Variants in MBD5 observed in about 807,000 individuals in gnomAD.
MBD5 encodes the protein methyl-CpG binding domain protein 5, also known as methyl-CpG-binding domain protein 5.
Under a neutral mutation model 117.3 loss-of-function variants are expected in MBD5, and 13 were observed. The observed-to-expected ratio is 0.11, with a 90% CI of 0.07 to 0.18. The LOEUF (loss-of-function observed/expected upper bound fraction) is 0.18. Ranked by LOEUF, MBD5 falls within the 10% of genes least tolerant of loss-of-function variation. MBD5 has a pLI of 1.00. For missense variants in MBD5, 1,879 were observed against 2,093.8 expected (o/e 0.90, Z 2.00); for synonymous variants, 727 against 766.4 (o/e 0.95, Z 0.85).
At chr2:148,441,849 T>A (rs145321750) in intron 4 of MBD5, among the ~76,000 whole-genome samples, 38,971 of 151,582 alleles carry the variant, frequency 0.26, 6,001 homozygotes, top group African/African-American at 0.43. Context: ...CATTTCTCTG[T>A]TGGCCAGTGA....
At chr2:148,288,193 G>A (rs1446676187) in intron 3 of MBD5, among the ~76,000 whole-genome samples, 1 of 146,558 alleles carries the variant, frequency 6.8e-6, no homozygotes, top group Non-Finnish European at 1.5e-5. Context: ...GAGGTCAGGA[G>A]ATCGAGACCA....
chr2:148,502,089 T>C (rs1681889009), intron 11 of MBD5, among the ~76,000 whole-genome samples: 1 of 152,256 alleles, frequency 6.6e-6, no homozygotes. Context: ...CACAGTAGTC[T>C]GATACTACAG....
At chr2:148,064,877 T>G (rs1490361568) in intron 1 of MBD5, among the ~76,000 whole-genome samples, 1 of 152,186 alleles carries the variant, frequency 6.6e-6, no homozygotes, top group Non-Finnish European at 1.5e-5. Context: ...CGTTCTTTCT[T>G]ATATATAGCC....
chr2:148,188,246 G>A (rs952960690), intron 2 of MBD5, among the ~76,000 whole-genome samples: 3 of 152,166 alleles, frequency 2.0e-5, no homozygotes, highest in African/African-American at 7.2e-5. Context: ...TGTGTCTTAA[G>A]CTCATTATAT....
At chr2:148,073,265 A>G (rs1695408657) in intron 1 of MBD5, among the ~76,000 whole-genome samples, 1 of 152,142 alleles carries the variant, frequency 6.6e-6, no homozygotes, top group Admixed American at 6.5e-5. Context: ...TAGATTTATC[A>G]TTTGGGGTAG....
chr2:148,362,635 GCTAA>G (rs906798525), intron 4 of MBD5, among the ~76,000 whole-genome samples: 4 of 152,174 alleles, frequency 2.6e-5, no homozygotes, highest in African/African-American at 9.7e-5. Flanking sequence ...CTCGAGCTCC[GCTAA>G]CTGACAGACT....
chr2:148,426,174 A>T (rs1420809082), intron 4 of MBD5, among the ~76,000 whole-genome samples: 1 of 152,262 alleles, frequency 6.6e-6, no homozygotes, highest in African/African-American at 2.4e-5. Context: ...GTGGAAGAAC[A>T]TTCCGTGCTC....
At chr2:148,417,521 G>C (rs1705460479) in intron 4 of MBD5, among the ~76,000 whole-genome samples, 1 of 151,948 alleles carries the variant, frequency 6.6e-6, no homozygotes, top group Non-Finnish European at 1.5e-5. Context: ...TTAGTTCTTT[G>C]AGAAATCTCC....
At chr2:148,101,689 T>C (rs2105297826) in intron 1 of MBD5, among the ~76,000 whole-genome samples, 1 of 152,292 alleles carries the variant, frequency 6.6e-6, no homozygotes, top group Admixed American at 6.5e-5. Flanking sequence ...TTTTTTAACT[T>C]CATCTTATTG....
At chr2:148,418,597 C>A (rs1213172013) in intron 4 of MBD5, among the ~76,000 whole-genome samples, 2 of 152,010 alleles carry the variant, frequency 1.3e-5, no homozygotes, top group Non-Finnish European at 2.9e-5. Flanking sequence ...AGCTGAGGAT[C>A]AAATTGAGAA....
chr2:148,229,631 C>G (rs1196891805), intron 2 of MBD5, among the ~76,000 whole-genome samples: 1 of 152,160 alleles, frequency 6.6e-6, no homozygotes, highest in African/African-American at 2.4e-5. Flanking sequence ...TCGTAGCTGT[C>G]CTTCTTGGGA....
chr2:148,388,979 C>A (rs889894122), intron 4 of MBD5, among the ~76,000 whole-genome samples: 4 of 151,646 alleles, frequency 2.6e-5, no homozygotes, highest in African/African-American at 9.7e-5. Context: ...ACTCTCACCT[C>A]CCTCTCCTTA....
At chr2:148,061,873 C>A (rs1385669632) in intron 1 of MBD5, among the ~76,000 whole-genome samples, 1 of 150,808 alleles carries the variant, frequency 6.6e-6, no homozygotes, top group Non-Finnish European at 1.5e-5. Flanking sequence ...TCTTTAAAAT[C>A]TTTAATTTTT....
chr2:148,399,879 G>T (rs1222349737), intron 4 of MBD5, among the ~76,000 whole-genome samples: 1 of 152,120 alleles, frequency 6.6e-6, no homozygotes, highest in Admixed American at 6.5e-5. Context: ...GTTGAATTTT[G>T]TCGAAGGCCT....
chr2:148,185,646 A>T (rs1698635703), intron 2 of MBD5, among the ~76,000 whole-genome samples: 1 of 152,162 alleles, frequency 6.6e-6, no homozygotes, highest in Admixed American at 6.5e-5. Context: ...TCATGTCTAT[A>T]ATCCCAACAC....
rs185005740 is a variant in MBD5, at chr2:148,317,317, C to G, written c.-679-24897C>G. Among the ~76,000 whole-genome samples, 792 of 151,714 alleles carry G rather than the reference C, an allele frequency of 5.2e-3. 10 individuals are homozygous for G. The highest frequency in any genetic ancestry group is 0.019 in the African/African-American group (772 of 41,368). The stretch of plus-strand genomic sequence containing the variant: ...CCGAGAGGCAGAGGTTGCAGTGAGC[C>G]GAGAACACACCATTGCACTCGAGCC... On this transcript the variant is annotated intron_variant, in intron 3 of 13. Transcript: ENST00000642680.
At chr2:148,442,034 A>C (rs1706342045) in intron 4 of MBD5, among the ~76,000 whole-genome samples, 2 of 151,938 alleles carry the variant, frequency 1.3e-5, no homozygotes, top group South Asian at 2.1e-4. Context: ...AGATTGCAAA[A>C]ATTTTCTCCT....
chr2:148,335,633 T>A (rs551976431), intron 3 of MBD5, among the ~76,000 whole-genome samples: 1 of 151,992 alleles, frequency 6.6e-6, no homozygotes, highest in African/African-American at 2.4e-5. Context: ...AGTGGGAGGA[T>A]CACTTGAGCC....
intron 10 of MBD5, among the ~76,000 whole-genome samples, chr2:148,488,897 G>A (rs1214777718): frequency 3.3e-5 from 5 of 151,570 alleles, no homozygotes; most frequent in Non-Finnish European, 7.4e-5. Flanking sequence ...TTATTATTAA[G>A]AAAGGAGTTT....
Sources: allele counts gnomAD v4.1 joint callset (sites outside exome capture counted in the v4.1 genomes callset), GRCh38; gene constraint gnomAD v4.1.1; transcripts MANE v1.5; gene names NCBI Gene and HGNC (gene_info 2026-07-23, HGNC 2026-07-21).